Variants in FOXP3 observed in about 807,000 individuals in gnomAD.
The protein encoded by FOXP3 is forkhead box protein P3.
Under a neutral mutation model 31.2 loss-of-function variants are expected in FOXP3, and 5 were observed. The ratio of observed to expected loss-of-function variants is 0.16; its 90% confidence interval spans 0.08 to 0.34. The LOEUF is 0.34. Among genes scored for constraint, FOXP3 ranks in the 10% least tolerant of loss-of-function variants. The probability of loss-of-function intolerance (pLI) is 1.00; values close to 1 mark genes in which losing one functional copy is unlikely to be tolerated. For synonymous variants in FOXP3, 141 were observed against 148.8 expected, an observed-to-expected ratio of 0.95 and a Z score of 0.38; for missense variants, 251 against 363.0, an observed-to-expected ratio of 0.69 and a Z score of 2.51.
chrX:49,256,965 G>A lies in FOXP3; in HGVS notation c.502C>T (p.Leu168Phe), dbSNP rs2066077912. 8.3e-7 allele frequency: 1 copy of A among 1,211,425 alleles called. No homozygotes were observed. Among genetic ancestry groups the A allele is most frequent in the African/African-American group, 1.7e-5 (1 of 57,878 alleles). Residue 168 changes from leucine (L) to phenylalanine (F), a missense_variant, in exon 5 of 12, where the codon CTC (leucine) becomes TTC (phenylalanine). Around this residue, in one of 4 missense-constraint regions of FOXP3, gnomAD observed 152 missense variants for 188.1 expected, o/e 0.81. Coordinates refer to ENST00000376207, the MANE Select transcript of FOXP3 (RefSeq NM_014009.4). The part of the protein sequence containing the change: ...LEWVSREPAL[L>F]CTFPNPSAPR... ...GCACTGGGATTTGGGAAGGTGCAGA[G>A]CAGTGCCGGCTCCCTGGACACCCAT...
chrX:49,253,766 A>T, intron 9 of FOXP3, 151 bp downstream of exon 9: 1 of 690,202 alleles, frequency 1.4e-6, no homozygotes, highest in Non-Finnish European at 2.2e-6. Context: ...AGCTTTTGTG[A>T]GCGGATGCAT....
intron 1 of FOXP3, among the ~76,000 whole-genome samples, chrX:49,262,579 A>G (rs782421553): frequency 8.9e-6 from 1 of 112,719 alleles, no homozygotes; most frequent in Admixed American, 9.3e-5. Flanking sequence ...CATTCAAGAT[A>G]TAAGTTTTAA....
chrX:49,254,059 G>C lies in FOXP3; in HGVS notation c.825C>G (p.Ser275=). ...CTACGATGCAGCAGGAGCCCTTGTC[G>C]GATGATGCCTGGGTGAGGGGGAGAG... The part of the protein sequence containing the change: ...ALTKASSVAS[S]DKGSCCIVAA... The change falls in exon 9 of 12, where the codon TCC becomes TCG. Residue 275 remains serine (S), a synonymous_variant. Transcript: ENST00000376207. The C allele has an allele frequency of 8.3e-7, 1 of 1,208,151 alleles. No individual in the cohort carries two copies. The highest frequency in any genetic ancestry group is 1.1e-6 in the Non-Finnish European group (1 of 893,929).
intron 1 of FOXP3, among the ~76,000 whole-genome samples, chrX:49,262,073 C>T (rs781883980): frequency 3.6e-5 from 4 of 111,953 alleles, no homozygotes; most frequent in South Asian, 3.7e-4. Flanking sequence ...ACACAAAGAG[C>T]GAGCAAGAGA....
At position 49,257,074 on chromosome X, in the gene FOXP3, A is replaced by G. The variant is rs782796375; in HGVS notation, c.455-62T>C. ...GCTGGGCTCTGGAGCTTGGCCCACA[A>G]GGCCTCTCATTTTGAGCTTCCCACC... On this transcript the variant is annotated intron_variant, in intron 4 of 11. Coordinates refer to ENST00000376207, the MANE Select transcript of FOXP3 (RefSeq NM_014009.4). 70 of 998,696 alleles carry G rather than the reference A, an allele frequency of 7.0e-5. No homozygotes were observed. In the Middle Eastern group the frequency reaches 1.5e-3, roughly 22 times the overall value. The allele number at this position is 998,696 out of a possible 1,213,427, so 82.3% of individuals were successfully genotyped here.
rs2066026074 is a variant in FOXP3, at chrX:49,251,010, T to G, written c.*324A>C. On this transcript the variant is annotated 3_prime_UTR_variant, in exon 12 of 12. Transcript: ENST00000376207. ...TGACTTTTCCAGCCCTGAAGTAATC[T>G]GTGCGAGCAGCTGAGGCAGGCTCTG... is the stretch of plus-strand genomic sequence containing the variant. 2 of 356,299 alleles carry G rather than the reference T, an allele frequency of 5.6e-6. No individual in the cohort carries two copies. 29.4% of individuals were successfully genotyped at this position (356,299 alleles called of 1,213,427 possible). A position where few individuals can be genotyped will look rare whatever the true frequency, so the allele number is the denominator to read the frequency against.
chrX:49,253,882 T>C (rs781924387), intron 9 of FOXP3, 35 bp downstream of exon 9: 11 of 1,208,088 alleles, frequency 9.1e-6, no homozygotes, highest in Non-Finnish European at 1.2e-5. Flanking sequence ...GATTAGGAGC[T>C]TGGGGGCACC....
Position 49,250,715 on chromosome X carries a change from C to T in FOXP3, c.*619G>A, listed in dbSNP as rs1186871800. On this transcript the variant is annotated 3_prime_UTR_variant, in exon 12 of 12. Coordinates refer to ENST00000376207, the MANE Select transcript of FOXP3 (RefSeq NM_014009.4). ...AATTCTAACAGGCCGTGTGTGTGAGCGAGCACGTGTTGGGACCTCAGATCC... is the reference window on the plus strand; with the variant it reads ...AATTCTAACAGGCCGTGTGTGTGAGTGAGCACGTGTTGGGACCTCAGATCC... The T allele has an allele frequency of 3.0e-4, 78 of 257,648 alleles. No individual in the cohort carries two copies. The highest frequency in any genetic ancestry group is 1.4e-3 in the Middle Eastern group (1 of 736). 21.2% of individuals were successfully genotyped at this position (257,648 alleles called of 1,213,427 possible). A position where few individuals can be genotyped will look rare whatever the true frequency, so the allele number is the denominator to read the frequency against.
Position 49,250,786 on chromosome X carries a change from T to C in FOXP3, c.*548A>G, listed in dbSNP as rs2066024718. ...CTGTGTAGGCCTCTGGGCACACCCCTGTGTTGACAGTGCCCCTGTGGGCCC... is the reference window on the plus strand; with the variant it reads ...CTGTGTAGGCCTCTGGGCACACCCCCGTGTTGACAGTGCCCCTGTGGGCCC... On this transcript the variant is annotated 3_prime_UTR_variant, in exon 12 of 12. Transcript: ENST00000376207. 1 of 235,355 alleles carries C rather than the reference T, an allele frequency of 4.2e-6. No individual in the cohort carries two copies. 19.4% of individuals were successfully genotyped at this position (235,355 alleles called of 1,213,427 possible). A position where few individuals can be genotyped will look rare whatever the true frequency, so the allele number is the denominator to read the frequency against.
At chrX:49,253,277 G>GT in intron 9 of FOXP3, 75 bp from the exon 10 acceptor site, 1 of 903,582 alleles carries the variant, frequency 1.1e-6, no homozygotes, top group South Asian at 2.1e-5. Context: ...CCCCTACAAG[G>GT]TGAGTCTACA....
rs1325999824 is a variant in FOXP3, at chrX:49,250,921, GCTCT to G, written c.*409_*412del. 1.2e-5 allele frequency: 3 copies of G among 243,034 alleles called. No individual in the cohort carries two copies. Among genetic ancestry groups the G allele is most frequent in the Non-Finnish European group, 2.2e-5 (3 of 134,433 alleles). 20.0% of individuals were successfully genotyped at this position (243,034 alleles called of 1,213,427 possible). On this transcript the variant is annotated 3_prime_UTR_variant, in exon 12 of 12. Coordinates refer to ENST00000376207, the MANE Select transcript of FOXP3 (RefSeq NM_014009.4). ...AGGTTGTTTGAGTGTACTGAGGCAG[GCTCT>G]CTGTGTTTTGGGGTTTGTGTTGAGT... is the stretch of plus-strand genomic sequence containing the variant.
In FOXP3 at chrX:49,250,674, G is replaced by A. The variant is rs1043801996; in HGVS notation, c.*660C>T. 1.1e-5 allele frequency: 3 copies of A among 273,672 alleles called. No homozygotes were observed. The highest frequency in any genetic ancestry group is 3.5e-5 in the South Asian group (1 of 28,510). The allele number at this position is 273,672 out of a possible 1,213,427, so 22.6% of individuals were successfully genotyped here. A position where few individuals can be genotyped will look rare whatever the true frequency, so the allele number is the denominator to read the frequency against. ...TGGGGGGCTGTGCGTGTGCATATGC[G>A]TGAGATACACAGGTGAATTCTAACA... On this transcript the variant is annotated 3_prime_UTR_variant, in exon 12 of 12. Coordinates refer to ENST00000376207, the MANE Select transcript of FOXP3 (RefSeq NM_014009.4).
intron 1 of FOXP3, among the ~76,000 whole-genome samples, chrX:49,260,092 C>T (rs1022356216): frequency 2.4e-4 from 27 of 111,394 alleles, no homozygotes; most frequent in African/African-American, 7.9e-4. Flanking sequence ...AACATTACTG[C>T]GTGAGAAACA....
intron 1 of FOXP3, chrX:49,259,220 A>G (rs1350437730): frequency 5.7e-6 from 3 of 524,070 alleles, no homozygotes; most frequent in Non-Finnish European, 1.0e-5. Flanking sequence ...CCGAGCTGAC[A>G]TTACCTGAGA....
intron 1 of FOXP3, among the ~76,000 whole-genome samples, chrX:49,263,737 C>T (rs1602692256): frequency 8.9e-6 from 1 of 111,861 alleles, no homozygotes. Context: ...TCGAGCTCAC[C>T]CCAGCCCTGA....
rs2066075881 is a variant in FOXP3, at chrX:49,256,739, TG to T, written c.647+11del. ...CAGGGCCGGTAGACTGGCACAGGCC[TG>T]GGCCACTCACTTGAGGAAGTCCTCT... On this transcript the variant is annotated intron_variant, in intron 6 of 11. Coordinates refer to ENST00000376207, the MANE Select transcript of FOXP3 (RefSeq NM_014009.4). 1 of 1,203,410 alleles carries T rather than the reference TG, an allele frequency of 8.3e-7. No individual in the cohort carries two copies. Among genetic ancestry groups the T allele is most frequent in the African/African-American group, 1.7e-5 (1 of 57,742 alleles).
intron 10 of FOXP3, among the ~76,000 whole-genome samples, chrX:49,252,879 G>T (rs2066042865): frequency 9.1e-6 from 1 of 110,311 alleles, no homozygotes; most frequent in African/African-American, 3.3e-5. Context: ...GAAAGGGGTA[G>T]GTTTAGGGTC....
In FOXP3 at chrX:49,258,516, TC is replaced by T. The variant is rs781922653; in HGVS notation, c.-12del. The T allele has an allele frequency of 2.2e-5, 25 of 1,153,439 alleles. No individual in the cohort carries two copies. In the African/African-American group the frequency reaches 3.9e-4, roughly 18 times the overall value. ...CCTGGGGTTGGGCATCGGGTCCTTG[TC>T]CAAGGGCAGGCTGCGTAGACAATAG... On this transcript the variant is annotated 5_prime_UTR_variant, in exon 2 of 12. Transcript: ENST00000376207.
intron 1 of FOXP3, among the ~76,000 whole-genome samples, chrX:49,263,466 A>C (rs1298591039): frequency 3.6e-5 from 4 of 111,936 alleles, no homozygotes; most frequent in Non-Finnish European, 7.5e-5. Flanking sequence ...ATAGAAAAAA[A>C]CGAGAAACAA....
Sources: allele counts gnomAD v4.1 joint callset (sites outside exome capture counted in the v4.1 genomes callset), GRCh38; gene constraint gnomAD v4.1.1; regional missense constraint gnomAD v4.1.1; transcripts MANE v1.5; gene names NCBI Gene and HGNC (gene_info 2026-07-23, HGNC 2026-07-21).